DNER: variants seen among roughly 807,000 people sequenced by gnomAD.
DNER encodes the protein delta and Notch-like epidermal growth factor-related receptor.
In DNER, 33 loss-of-function variants were observed where a neutral mutation model predicts 78.2. The ratio of observed to expected loss-of-function variants is 0.42; its 90% CI spans 0.32 to 0.56. The LOEUF (loss-of-function observed/expected upper bound fraction) is 0.56. Among genes scored for constraint, DNER ranks in the 20% least tolerant of loss-of-function variants. The probability of loss-of-function intolerance (pLI) is 0.11; values close to 1 mark genes in which losing one functional copy is unlikely to be tolerated. For missense variants in DNER, 918 were observed against 975.3 expected (o/e 0.94, Z 0.78); for synonymous variants, 417 against 384.8 (o/e 1.08, Z -0.98).
chr2:229,499,922 A>C (rs1246455062), intron 6 of DNER, among the ~76,000 whole-genome samples: 1 of 115,616 alleles, frequency 8.6e-6, no homozygotes, highest in Non-Finnish European at 1.8e-5. Flanking sequence ...ATCTGAATAG[A>C]CTTTCTTTCT....
intron 1 of DNER, among the ~76,000 whole-genome samples, chr2:229,646,954 G>A (rs1166249265): frequency 6.6e-6 from 1 of 152,220 alleles, no homozygotes; most frequent in African/African-American, 2.4e-5. Context: ...GGATCACAAG[G>A]TCAAGAGATC....
At chr2:229,508,750 A>G (rs1462528288) in intron 6 of DNER, among the ~76,000 whole-genome samples, 2 of 151,984 alleles carry the variant, frequency 1.3e-5, no homozygotes, top group South Asian at 2.1e-4. Flanking sequence ...GCGTGGTGGC[A>G]AGCACCTGTA....
At chr2:229,460,944 C>G (rs1336787707) in intron 7 of DNER, among the ~76,000 whole-genome samples, 1 of 152,062 alleles carries the variant, frequency 6.6e-6, no homozygotes, top group Non-Finnish European at 1.5e-5. Flanking sequence ...CCGATTCCCC[C>G]TTGTAGAAAT....
At chr2:229,704,250 G>C (rs1317933865) in intron 1 of DNER, among the ~76,000 whole-genome samples, 2 of 152,206 alleles carry the variant, frequency 1.3e-5, no homozygotes, top group South Asian at 2.1e-4. Context: ...ATTTATTGCT[G>C]ATGGGAATGC....
At chr2:229,427,354 T>C (rs76103738) in intron 8 of DNER, among the ~76,000 whole-genome samples, 1,595 of 152,342 alleles carry the variant, frequency 0.01, 14 homozygotes, top group Middle Eastern at 0.034. Context: ...GCCTCCTTGA[T>C]CGATTCATTC....
Position 229,358,572 on chromosome 2 carries a change from A to C in DNER, c.2182T>G (p.Leu728Val). 1 of 1,613,692 alleles carries C rather than the reference A, an allele frequency of 6.2e-7. No individual in the cohort carries two copies. The highest frequency in any genetic ancestry group is 1.7e-5 in the Admixed American group (1 of 60,018). ...YEDYSPDDKPLVTLIKTKDL is the reference protein window; with the variant it reads ...YEDYSPDDKPVVTLIKTKDL ...TCTTTAGTTTTAATCAGTGTGACCA[A>C]GGGTTTGTCATCAGGACTGTAATCT... The change falls in exon 13 of 13, where the codon TTG becomes GTG. Residue 728 changes from leucine (L) to valine (V), a missense_variant. By Grantham distance (32) the Leu-to-Val change is conservative. Transcript: ENST00000341772.
At chr2:229,697,450 G>T (rs145141882) in intron 1 of DNER, among the ~76,000 whole-genome samples, 5 of 152,290 alleles carry the variant, frequency 3.3e-5, no homozygotes, top group African/African-American at 7.2e-5. Flanking sequence ...CCACTAAAAG[G>T]TTCCCTTTAA....
At chr2:229,611,565 C>A (rs1698048538) in intron 1 of DNER, among the ~76,000 whole-genome samples, 1 of 152,192 alleles carries the variant, frequency 6.6e-6, no homozygotes, top group Admixed American at 6.5e-5. Flanking sequence ...AGTAGGCAGA[C>A]CACAGACAGA....
At chr2:229,706,725 A>G (rs1238575943) in intron 1 of DNER, among the ~76,000 whole-genome samples, 3 of 152,168 alleles carry the variant, frequency 2.0e-5, no homozygotes, top group Non-Finnish European at 4.4e-5. Context: ...TGGATTTCAT[A>G]TAACTTTCAT....
At chr2:229,440,106 T>C (rs1198762924) in intron 8 of DNER, among the ~76,000 whole-genome samples, 1 of 152,192 alleles carries the variant, frequency 6.6e-6, no homozygotes, top group Non-Finnish European at 1.5e-5. Flanking sequence ...AGATTTGTAA[T>C]ATCAGGAATC....
At chr2:229,401,935 T>C (rs1453249108) in intron 10 of DNER, among the ~76,000 whole-genome samples, 1 of 152,190 alleles carries the variant, frequency 6.6e-6, no homozygotes, top group Non-Finnish European at 1.5e-5. Flanking sequence ...TTCAATAAGA[T>C]GCTGGACTAA....
In DNER at chr2:229,408,186, C is replaced by T. The variant is rs191222008; in HGVS notation, c.1610-841G>A. On this transcript the variant is annotated intron_variant, in intron 9 of 12. Transcript: ENST00000341772. ...AAAAGACTGTGTGTGCATGTATGTACGCAAATGCCTGAAGTGGGACTGGAT... is the reference window on the plus strand; with the variant it reads ...AAAAGACTGTGTGTGCATGTATGTATGCAAATGCCTGAAGTGGGACTGGAT... 1.1e-4 allele frequency among the ~76,000 whole-genome samples: 17 copies of T among 152,096 alleles called. No individual in the cohort carries two copies. The East Asian group carries it at 2.1e-3, about 19-fold the overall frequency.
At chr2:229,604,347 A>G (rs1356311823) in intron 1 of DNER, among the ~76,000 whole-genome samples, 2 of 152,212 alleles carry the variant, frequency 1.3e-5, no homozygotes, top group African/African-American at 4.8e-5. Flanking sequence ...GGCTCTCAAA[A>G]AATATTTCTT....
chr2:229,711,538 C>CT (rs1699912909), intron 1 of DNER, among the ~76,000 whole-genome samples: 1 of 152,100 alleles, frequency 6.6e-6, no homozygotes, highest in Non-Finnish European at 1.5e-5. Flanking sequence ...TAAAGACATC[C>CT]TTTTTTAAAA....
At chr2:229,377,742 G>T (rs207655) in intron 11 of DNER, among the ~76,000 whole-genome samples, 1 of 152,108 alleles carries the variant, frequency 6.6e-6, no homozygotes, top group Non-Finnish European at 1.5e-5. Context: ...AGGGTGATGC[G>T]TTAACAGATA....
intron 1 of DNER, among the ~76,000 whole-genome samples, chr2:229,652,614 C>T (rs897651504): frequency 6.6e-6 from 1 of 152,180 alleles, no homozygotes; most frequent in Non-Finnish European, 1.5e-5. Flanking sequence ...TGACTGCTCT[C>T]CCCCAGTGTC....
chr2:229,442,514 TAA>T (rs58534290), intron 8 of DNER, among the ~76,000 whole-genome samples: 83,365 of 147,082 alleles, frequency 0.57, 24,527 homozygotes, highest in African/African-American at 0.75. Context: ...CGCTCTGTCT[TAA>T]AAAAAAAAAA....
At chr2:229,540,786 G>A (rs769007059) in intron 5 of DNER, among the ~76,000 whole-genome samples, 2 of 152,164 alleles carry the variant, frequency 1.3e-5, no homozygotes, top group African/African-American at 2.4e-5. Context: ...GGCTCTAGAA[G>A]GTTTGAAAAT....
At chr2:229,621,332 G>A (rs1485071658) in intron 1 of DNER, among the ~76,000 whole-genome samples, 2 of 152,186 alleles carry the variant, frequency 1.3e-5, no homozygotes, top group South Asian at 2.1e-4. Flanking sequence ...GTATTCACCT[G>A]CTGAGAAAAG....
Sources: allele counts gnomAD v4.1 joint callset (sites outside exome capture counted in the v4.1 genomes callset), GRCh38; gene constraint gnomAD v4.1.1; transcripts MANE v1.5; gene names NCBI Gene and HGNC (gene_info 2026-07-23, HGNC 2026-07-21).